FBXO7: variants seen among roughly 807,000 people sequenced by gnomAD.
The protein encoded by FBXO7 is F-box only protein 7.
Under a neutral mutation model 50.2 loss-of-function variants are expected in FBXO7, and 31 were observed. The observed-to-expected ratio is 0.62, with a 90% CI of 0.46 to 0.83. The LOEUF (loss-of-function observed/expected upper bound fraction) is 0.83. Ranked by LOEUF, FBXO7 falls within the 40% of genes least tolerant of loss-of-function variation. The pLI is 0.00. For missense variants in FBXO7, 667 were observed against 646.6 expected, an observed-to-expected ratio of 1.03 and a Z score of -0.34; for synonymous variants, 256 against 253.1, an observed-to-expected ratio of 1.01 and a Z score of -0.11.
In FBXO7 at chr22:32,485,164, G is replaced by A. The variant is rs1417395674; in HGVS notation, c.742G>A (p.Ala248Thr). Residue 248 changes from alanine (A) to threonine (T), a missense_variant, in exon 4 of 9, where the codon GCT becomes ACT. Physicochemically the swap from Ala to Thr is moderately conservative, Grantham distance 58. Transcript: ENST00000266087. ...YMHPLCEGSS[A>T]TLTCVPLGNL... ...GCATCCTCTCTGCGAGGGCAGCTCC[G>A]CTACTCTCACCTGTGTGCCTTTGGG... is the stretch of plus-strand genomic sequence containing the variant. 1.9e-6 allele frequency: 3 copies of A among 1,614,028 alleles called. No individual in the cohort carries two copies. The highest frequency in any genetic ancestry group is 2.2e-5 in the East Asian group (1 of 44,880).
Position 32,498,582 on chromosome 22 carries a change from C to T in FBXO7, c.*52C>T. On this transcript the variant is annotated 3_prime_UTR_variant, in exon 9 of 9. Coordinates refer to ENST00000266087, the MANE Select transcript of FBXO7 (RefSeq NM_012179.4). ...TCCATTTGTTTTTGTTTCTAAACTA[C>T]AGATGTCAACTCCTTGGGGTGCTGA... 6.4e-7 allele frequency: 1 copy of T among 1,564,602 alleles called. No individual in the cohort carries two copies. Among genetic ancestry groups the T allele is most frequent in the South Asian group, 1.1e-5 (1 of 87,850 alleles).
rs1402199355 is a variant in FBXO7, at chr22:32,496,841, C to G, written c.1183-1303C>G. On this transcript the variant is annotated intron_variant, in intron 8 of 8. Transcript: ENST00000266087. ...GCCATAGTTGCCAGAGATGGTGATT[C>G]CTCTGATGGATCTGGACAAAGGAAA... Among the ~76,000 whole-genome samples, 4 of 152,154 alleles carry G rather than the reference C, an allele frequency of 2.6e-5. No individual in the cohort carries two copies. The East Asian group carries it at 7.7e-4, about 29-fold the overall frequency.
intron 2 of FBXO7, 79 bp downstream of exon 2, chr22:32,479,354 C>T: frequency 7.6e-7 from 1 of 1,318,298 alleles, no homozygotes; most frequent in Non-Finnish European, 1.1e-6. Flanking sequence ...CTGTTCCAGT[C>T]AGGATAATTA....
At chr22:32,493,314 G>A in intron 7 of FBXO7, 33 bp downstream of exon 7, 1 of 1,583,306 alleles carries the variant, frequency 6.3e-7, no homozygotes, top group South Asian at 1.1e-5. Context: ...CACAAGAAAG[G>A]GCTCTTATTG....
At position 32,487,727 on chromosome 22, in the gene FBXO7, TC is replaced by T. The variant is rs777069541; in HGVS notation, c.788-17del. 3.9e-6 allele frequency: 6 copies of T among 1,536,222 alleles called. No homozygotes were observed. Among genetic ancestry groups the T allele is most frequent in the Non-Finnish European group, 5.4e-6 (6 of 1,111,096 alleles). ...AAGTGACAGAATTCTTTATCATCTT[TC>T]TTTTGTTTATTTACAGCTACACTAA... On this transcript the variant is annotated splice_polypyrimidine_tract_variant and intron_variant, in intron 4 of 8. Transcript: ENST00000266087.
At chr22:32,481,225 T>A (rs538711809) in intron 2 of FBXO7, among the ~76,000 whole-genome samples, 1 of 152,064 alleles carries the variant, frequency 6.6e-6, no homozygotes, top group East Asian at 1.9e-4. Context: ...AATTTATTTT[T>A]AAAGTTATTG....
At chr22:32,492,868 T>C in intron 6 of FBXO7, 1 of 561,994 alleles carries the variant, frequency 1.8e-6, no homozygotes, top group East Asian at 3.0e-5. Context: ...AAAGCATTTG[T>C]CTTTCCACTA....
intron 2 of FBXO7, among the ~76,000 whole-genome samples, chr22:32,480,889 C>T (rs975304390): frequency 2.0e-5 from 3 of 152,276 alleles, no homozygotes; most frequent in African/African-American, 7.2e-5. Flanking sequence ...TGGTCTTGAA[C>T]TCCTGACCTC....
Position 32,498,620 on chromosome 22 carries a change from T to C in FBXO7, c.*90T>C, listed in dbSNP as rs2057594203. On this transcript the variant is annotated 3_prime_UTR_variant, in exon 9 of 9. Coordinates refer to ENST00000266087, the MANE Select transcript of FBXO7 (RefSeq NM_012179.4). ...CTTGGGGTGCTGATCTCGAGTGTTATTTTCTGATTGTGGTGTTGAGAGTTG... is the reference window on the plus strand; with the variant it reads ...CTTGGGGTGCTGATCTCGAGTGTTACTTTCTGATTGTGGTGTTGAGAGTTG... 5 of 1,454,612 alleles carry C rather than the reference T, an allele frequency of 3.4e-6. No individual in the cohort carries two copies. Among genetic ancestry groups the C allele is most frequent in the Non-Finnish European group, 4.7e-6 (5 of 1,070,850 alleles). The allele number at this position is 1,454,612 out of a possible 1,614,324, so 90.1% of individuals were successfully genotyped here. A position where few individuals can be genotyped will look rare whatever the true frequency, so the allele number is the denominator to read the frequency against.
rs375751043 is a variant in FBXO7 at position 32,493,270 on chromosome 22, G to A, written c.1133G>A (p.Arg378His). 36 of 1,613,836 alleles carry A rather than the reference G, an allele frequency of 2.2e-5. No homozygotes were observed. In the South Asian group the frequency reaches 3.3e-4, roughly 15 times the overall value. The change falls in exon 7 of 9, where the codon CGT (arginine) becomes CAT (histidine). Residue 378 changes from arginine (R) to histidine (H), a missense_variant. Transcript: ENST00000266087. ...DPLLWRFLYL[R>H]DFRDNTVRVQ... Reference sequence around the variant, plus strand: ...CTCCTGTGGAGGTTTTTATATCTGCGTGATTTTCGAGGTGATTTCCGTAAT... The same window carrying A: ...CTCCTGTGGAGGTTTTTATATCTGCATGATTTTCGAGGTGATTTCCGTAAT...
chr22:32,480,678 T>A (rs1365420463), intron 2 of FBXO7, among the ~76,000 whole-genome samples: 2 of 152,048 alleles, frequency 1.3e-5, no homozygotes, highest in Non-Finnish European at 2.9e-5. Context: ...TCCCACCTTT[T>A]TTTTTTTTGG....
rs559980774 is a variant in FBXO7 at position 32,494,604 on chromosome 22, A to G, written c.1145-889A>G. ...CTCAAAAAAGAATTGAAAATATAGT[A>G]AAAAAAGAAAAGACAGAATGACTGA... On this transcript the variant is annotated intron_variant, in intron 7 of 8. Transcript: ENST00000266087. 9.5e-5 allele frequency among the ~76,000 whole-genome samples: 14 copies of G among 148,006 alleles called. No homozygotes were observed. In the East Asian group the frequency reaches 2.1e-3, roughly 22 times the overall value.
At chr22:32,476,267 G>A (rs1306659297) in intron 1 of FBXO7, among the ~76,000 whole-genome samples, 2 of 152,016 alleles carry the variant, frequency 1.3e-5, no homozygotes, top group African/African-American at 4.8e-5. Flanking sequence ...TAAGTGACAT[G>A]CCTACTGTTA....
At chr22:32,478,892 A>T (rs961065602) in intron 1 of FBXO7, 89 bp from the exon 2 acceptor site, 2 of 1,231,084 alleles carry the variant, frequency 1.6e-6, no homozygotes, top group African/African-American at 3.0e-5. Context: ...TTCTAGGGTC[A>T]TACTGTGTAC....
intron 5 of FBXO7, chr22:32,489,238 A>T (rs1311193189): frequency 6.6e-6 from 1 of 152,168 alleles, no homozygotes; most frequent in Non-Finnish European, 1.5e-5. Flanking sequence ...CAAATATAGT[A>T]TGTTTTATTT....
In FBXO7 at chr22:32,491,072, A is replaced by T; in HGVS notation, c.872-14A>T. 1 of 1,597,828 alleles carries T rather than the reference A, an allele frequency of 6.3e-7. No individual in the cohort carries two copies. The highest frequency in any genetic ancestry group is 1.1e-5 in the South Asian group (1 of 90,596). On this transcript the variant is annotated splice_polypyrimidine_tract_variant and intron_variant, in intron 5 of 8. Coordinates refer to ENST00000266087, the MANE Select transcript of FBXO7 (RefSeq NM_012179.4). ...TGATTTTGGGTTTTGATTTTACTTT[A>T]AAAAATATTCTAGGGGAAAATGTAG...
At chr22:32,488,904 G>C (rs759200231) in intron 5 of FBXO7, 1 of 152,122 alleles carries the variant, frequency 6.6e-6, no homozygotes, top group African/African-American at 2.4e-5. Flanking sequence ...TCCACCTCCT[G>C]GGTTCAAGCA....
chr22:32,492,963 T>G (rs925671205), intron 6 of FBXO7, 142 bp from the exon 7 acceptor site: 1 of 800,726 alleles, frequency 1.2e-6, no homozygotes, highest in South Asian at 1.4e-5. Flanking sequence ...TTGTAGATGA[T>G]GCATACTTGG....
At position 32,479,382 on chromosome 22, in the gene FBXO7, A is replaced by G. The variant is rs187916893; in HGVS notation, c.417+107A>G. Reference sequence around the variant, plus strand: ...GATAATTATCATCGATAGATTGCACATTTTATATATATTTTTTTCTTTTTT... The same window carrying G: ...GATAATTATCATCGATAGATTGCACGTTTTATATATATTTTTTTCTTTTTT... On this transcript the variant is annotated intron_variant, in intron 2 of 8. Coordinates refer to ENST00000266087, the MANE Select transcript of FBXO7 (RefSeq NM_012179.4). 211 of 972,196 alleles carry G rather than the reference A, an allele frequency of 2.2e-4. No homozygotes were observed. In the African/African-American group the frequency reaches 3.0e-3, roughly 14 times the overall value. The allele number at this position is 972,196 out of a possible 1,614,324, so 60.2% of individuals were successfully genotyped here. A position where few individuals can be genotyped will look rare whatever the true frequency, so the allele number is the denominator to read the frequency against.
Sources: gnomAD v4.1 joint callset for allele counts (sites outside exome capture counted in the v4.1 genomes callset) on GRCh38, gnomAD v4.1.1 for gene constraint, MANE v1.5 for transcripts, NCBI Gene and HGNC (gene_info 2026-07-23, HGNC 2026-07-21) for gene names.